CMTM5: variants seen among roughly 807,000 people sequenced by gnomAD.
The protein encoded by CMTM5 is CKLF like MARVEL transmembrane domain containing 5, also known as CKLF-like MARVEL transmembrane domain-containing protein 5.
CMTM5 carries 25 observed loss-of-function variants against 26.9 expected under a neutral mutation model. The observed-to-expected ratio is 0.93, with a 90% confidence interval of 0.68 to 1.30. The LOEUF (loss-of-function observed/expected upper bound fraction) is 1.30, where lower values mean the gene tolerates loss of function less well. CMTM5 is among the 50% of genes most tolerant of loss of function. The probability of loss-of-function intolerance (pLI) is 0.00; values close to 1 mark genes in which losing one functional copy is unlikely to be tolerated. For missense variants in CMTM5, 292 were observed against 289.6 expected (o/e 1.01, Z -0.06); for synonymous variants, 98 against 115.5 (o/e 0.85, Z 0.97).
At position 23,379,107 on chromosome 14, in the gene CMTM5, C is replaced by G. The variant is rs956821117; in HGVS notation, c.557C>G (p.Ala186Gly). ...GCAGCTGTGACCTCCCGGGACGGAG[C>G]TGCCATTGCTGCTTTTGTGAGTTCA... ...SFAAVTSRDG[A>G]AIAAFVFGII... Residue 186 changes from alanine to glycine, a missense_variant, in exon 4 of 6, where the codon GCT becomes GGT. By Grantham distance (60) the Ala-to-Gly change is moderately conservative. Coordinates refer to ENST00000339180, the MANE Select transcript of CMTM5 (RefSeq NM_001288746.2). 6 of 1,613,766 alleles carry G rather than the reference C, an allele frequency of 3.7e-6. No individual in the cohort carries two copies. Among genetic ancestry groups the G allele is most frequent in the Non-Finnish European group, 5.1e-6 (6 of 1,179,858 alleles).
upstream of CMTM5, chr14:23,376,929 C>T (rs1228707859): frequency 1.2e-5 from 4 of 335,052 alleles, no homozygotes; most frequent in African/African-American, 4.3e-5. Context: ...CTCCTCTCCC[C>T]TTCCTTCTCT....
Position 23,379,328 on chromosome 14 carries a change from T to TGCCTATGA in CMTM5, c.604_611dup (p.Asp204GlufsTer67), listed in dbSNP as rs771071632. Reference sequence around the variant, plus strand: ...TTGGCATCATCCTGGTTTCCATCTTTGCCTATGATGCCTTCAAGATCTACC... The same window carrying TGCCTATGA: ...TTGGCATCATCCTGGTTTCCATCTTTGCCTATGAGCCTATGATGCCTTCAAGATCTACC... On this transcript the variant is annotated frameshift_variant, in exon 5 of 6. Coordinates refer to ENST00000339180, the MANE Select transcript of CMTM5 (RefSeq NM_001288746.2). LOFTEE classifies it high-confidence loss of function. 13 of 1,614,052 alleles carry TGCCTATGA rather than the reference T, an allele frequency of 8.1e-6. No homozygotes were observed. In the African/African-American group the frequency reaches 1.7e-4, roughly 22 times the overall value.
chr14:23,377,223 A>AG lies in CMTM5; in HGVS notation c.-24dup. ...TTTCTCTTGCTGGGCTTTTGGCAGT[A>AG]GGGGGCTGTGTTGGTGGGCCCTACG... is the stretch of plus-strand genomic sequence containing the variant. On this transcript the variant is annotated 5_prime_UTR_variant, in exon 1 of 6. Transcript: ENST00000339180. This position sits in a 1 kb window ranked among gnomAD's most constrained non-coding sequence, Gnocchi z 4.6. 1 of 1,607,728 alleles carries AG rather than the reference A, an allele frequency of 6.2e-7. No homozygotes were observed.
upstream of CMTM5, chr14:23,376,951 G>T: frequency 2.6e-6 from 1 of 390,668 alleles, no homozygotes; most frequent in Non-Finnish European, 4.6e-6. Flanking sequence ...TTCCAGGCTG[G>T]GTTGGGCTCT....
chr14:23,379,041 G>C lies in CMTM5; in HGVS notation c.491G>C (p.Arg164Pro). 1 of 1,614,082 alleles carries C rather than the reference G, an allele frequency of 6.2e-7. No individual in the cohort carries two copies. The highest frequency in any genetic ancestry group is 8.5e-7 in the Non-Finnish European group (1 of 1,180,006). Residue 164 changes from arginine (R) to proline (P), a missense_variant, in exon 4 of 6, where the codon CGC becomes CCC. Coordinates refer to ENST00000339180, the MANE Select transcript of CMTM5 (RefSeq NM_001288746.2). ...ACCCCTGGCCCCCAGGACTTCCTGC[G>C]CTGTGTCAGTGCCATCATCATCTTC... ...FHSLGSSDFL[R>P]CVSAIIIFLV...
At position 23,378,571 on chromosome 14, in the gene CMTM5, CT is replaced by C. The variant is rs1343107987; in HGVS notation, c.279+71del. The C allele has an allele frequency of 6.2e-7, 1 of 1,608,328 alleles. No individual in the cohort carries two copies. The highest frequency in any genetic ancestry group is 1.3e-5 in the African/African-American group (1 of 74,724). On this transcript the variant is annotated intron_variant, in intron 2 of 5. Coordinates refer to ENST00000339180, the MANE Select transcript of CMTM5 (RefSeq NM_001288746.2). The surrounding 1 kb of genome is among the most constrained non-coding windows in gnomAD (Gnocchi z 4.2). The stretch of plus-strand genomic sequence containing the variant: ...CCTCTAAATGATGCATTTTCCTTTC[CT>C]CCCCGAGCTTCTTTCCATTTCCACA...
chr14:23,379,025 C>T lies in CMTM5; in HGVS notation c.481-6C>T. ...GTCCTGTTAACCCTGCACCCCTGGC[C>T]CCCAGGACTTCCTGCGCTGTGTCAG... On this transcript the variant is annotated splice_polypyrimidine_tract_variant and splice_region_variant and intron_variant, in intron 3 of 5. Transcript: ENST00000339180. The T allele has an allele frequency of 6.2e-7, 1 of 1,614,048 alleles. No individual in the cohort carries two copies. Among genetic ancestry groups the T allele is most frequent in the East Asian group, 2.2e-5 (1 of 44,886 alleles).
Position 23,378,504 on chromosome 14 carries a change from G to A in CMTM5, c.279+3G>A, listed in dbSNP as rs1401165639. 1 of 1,614,116 alleles carries A rather than the reference G, an allele frequency of 6.2e-7. No homozygotes were observed. The highest frequency in any genetic ancestry group is 8.5e-7 in the Non-Finnish European group (1 of 1,180,008). On this transcript the variant is annotated splice_donor_region_variant and intron_variant, in intron 2 of 5. Coordinates refer to ENST00000339180, the MANE Select transcript of CMTM5 (RefSeq NM_001288746.2). The surrounding 1 kb of genome is among the most constrained non-coding windows in gnomAD (Gnocchi z 4.2). ...ACCGAATTAACTGGCCCTGTCTGGT[G>A]AGGAACCCTGACCCCTAGCCCAGTT... is the stretch of plus-strand genomic sequence containing the variant.
At position 23,379,668 on chromosome 14, in the gene CMTM5, C is replaced by G. The variant is rs866139549; in HGVS notation, c.*181C>G. 19 of 1,380,060 alleles carry G rather than the reference C, an allele frequency of 1.4e-5. 1 individual carries two copies. Among genetic ancestry groups the G allele is most frequent in the Middle Eastern group, 2.8e-4 (1 of 3,634 alleles). 85.5% of individuals were successfully genotyped at this position (1,380,060 alleles called of 1,614,324 possible). ...AGCCTGGTGCTCCAGGATGTGGCTT[C>G]TCATGAAGCTCTGGCCAGAGGAGGG... On this transcript the variant is annotated 3_prime_UTR_variant, in exon 6 of 6. Coordinates refer to ENST00000339180, the MANE Select transcript of CMTM5 (RefSeq NM_001288746.2).
rs770567891 is a variant in CMTM5 at position 23,379,375 on chromosome 14, C to A, written c.650C>A (p.Ala217Asp). The change falls in exon 5 of 6, where the codon GCC becomes GAC. Residue 217 changes from alanine to aspartate, a missense_variant. Physicochemically the swap from Ala to Asp is moderately radical, Grantham distance 126. Transcript: ENST00000339180. ...TACCGGACTGAGATGGCACCCGGGGCCAGCCAGGGTGAGTGCCTGTGCTCT... is the reference window on the plus strand; with the variant it reads ...TACCGGACTGAGATGGCACCCGGGGACAGCCAGGGTGAGTGCCTGTGCTCT... ...KIYRTEMAPG[A>D]SQGDQQ 1 of 1,614,164 alleles carries A rather than the reference C, an allele frequency of 6.2e-7. No individual in the cohort carries two copies. Among genetic ancestry groups the A allele is most frequent in the South Asian group, 1.1e-5 (1 of 91,076 alleles).
rs1890784282 is a variant in CMTM5 at position 23,379,670 on chromosome 14, C to T, written c.*183C>T. Reference sequence around the variant, plus strand: ...CCTGGTGCTCCAGGATGTGGCTTCTCATGAAGCTCTGGCCAGAGGAGGGGA... The same window carrying T: ...CCTGGTGCTCCAGGATGTGGCTTCTTATGAAGCTCTGGCCAGAGGAGGGGA... On this transcript the variant is annotated 3_prime_UTR_variant, in exon 6 of 6. Coordinates refer to ENST00000339180, the MANE Select transcript of CMTM5 (RefSeq NM_001288746.2). 6.5e-6 allele frequency: 8 copies of T among 1,232,892 alleles called. No individual in the cohort carries two copies. The highest frequency in any genetic ancestry group is 2.9e-5 in the South Asian group (2 of 68,784). The allele number at this position is 1,232,892 out of a possible 1,614,324, so 76.4% of individuals were successfully genotyped here. A position where few individuals can be genotyped will look rare whatever the true frequency, so the allele number is the denominator to read the frequency against.
Position 23,377,572 on chromosome 14 carries a change from C to A in CMTM5, c.126+195C>A, listed in dbSNP as rs974353927. The A allele has an allele frequency of 5.5e-5, 31 of 562,794 alleles. No homozygotes were observed. The highest frequency in any genetic ancestry group is 4.0e-4 in the South Asian group (12 of 29,924). 34.9% of individuals were successfully genotyped at this position (562,794 alleles called of 1,614,324 possible). ...CCTCTCCACCCGGAGACATTTACAG[C>A]AGGTTTCAGTTGCAGCAGGAAGGAC... On this transcript the variant is annotated intron_variant, in intron 1 of 5. Coordinates refer to ENST00000339180, the MANE Select transcript of CMTM5 (RefSeq NM_001288746.2). This position sits in a 1 kb window ranked among gnomAD's most constrained non-coding sequence, Gnocchi z 4.6.
intron 4 of CMTM5, 71 bp downstream of exon 4, chr14:23,379,194 A>G: frequency 1.3e-6 from 2 of 1,599,132 alleles, no homozygotes; most frequent in East Asian, 2.2e-5. Context: ...TTTCTGTATC[A>G]GAAGCCACAG....
chr14:23,379,406 G>A, intron 5 of CMTM5, 23 bp downstream of exon 5: 1 of 1,614,160 alleles, frequency 6.2e-7, no homozygotes, highest in Non-Finnish European at 8.5e-7. Context: ...GCTCTGTGGA[G>A]AGGAGATGCC....
In CMTM5 at chr14:23,378,234, C is replaced by T. The variant is rs1890667058; in HGVS notation, c.127-115C>T. The T allele has an allele frequency of 6.1e-6, 7 of 1,145,292 alleles. No homozygotes were observed. Among genetic ancestry groups the T allele is most frequent in the Admixed American group, 2.3e-5 (1 of 43,038 alleles). The allele number at this position is 1,145,292 out of a possible 1,614,324, so 70.9% of individuals were successfully genotyped here. ...GAGATGTGCCAGAGTCCTTCCTCCC[C>T]TCCAAGGACAGGTAGTAGGTGCCAG... is the stretch of plus-strand genomic sequence containing the variant. On this transcript the variant is annotated intron_variant, in intron 1 of 5. Coordinates refer to ENST00000339180, the MANE Select transcript of CMTM5 (RefSeq NM_001288746.2). This position sits in a 1 kb window ranked among gnomAD's most constrained non-coding sequence, Gnocchi z 4.2.
rs1890699137 is a variant in CMTM5, at chr14:23,378,692, A to G, written c.303A>G (p.Gly101=). 1 of 1,612,924 alleles carries G rather than the reference A, an allele frequency of 6.2e-7. No individual in the cohort carries two copies. The highest frequency in any genetic ancestry group is 8.5e-7 in the Non-Finnish European group (1 of 1,179,836). ...PCLLQGHGQS[G]GPHPLDLLSH... ...AGCTGCAGGGCCACGGGCAATCAGGAGGACCACATCCGCTAGATCTACTCT... is the reference window on the plus strand; with the variant it reads ...AGCTGCAGGGCCACGGGCAATCAGGGGGACCACATCCGCTAGATCTACTCT... The change falls in exon 3 of 6, where the codon GGA becomes GGG. Residue 101 remains glycine, a synonymous_variant. Transcript: ENST00000339180. The surrounding 1 kb of genome is among the most constrained non-coding windows in gnomAD (Gnocchi z 4.2).
chr14:23,378,186 G>A lies in CMTM5; in HGVS notation c.127-163G>A. 4.1e-6 allele frequency: 3 copies of A among 731,628 alleles called. No homozygotes were observed. The highest frequency in any genetic ancestry group is 4.4e-6 in the Non-Finnish European group (2 of 455,534). 45.3% of individuals were successfully genotyped at this position (731,628 alleles called of 1,614,324 possible). On this transcript the variant is annotated intron_variant, in intron 1 of 5. Coordinates refer to ENST00000339180, the MANE Select transcript of CMTM5 (RefSeq NM_001288746.2). This position sits in a 1 kb window ranked among gnomAD's most constrained non-coding sequence, Gnocchi z 4.2. ...TGACCGGCAAATGCCCTGCAACGGT[G>A]GCTCCTGACACCAGGGGATAGGGAG...
At chr14:23,379,226 T>C in intron 4 of CMTM5, 73 bp from the exon 5 acceptor site, 1 of 1,603,240 alleles carries the variant, frequency 6.2e-7, no homozygotes, top group Non-Finnish European at 8.5e-7. Context: ...GGTTCTGGCT[T>C]GCACCTCACC....
chr14:23,378,760 C>G lies in CMTM5; in HGVS notation c.371C>G (p.Thr124Ser), dbSNP rs766217019. The change falls in exon 3 of 6, where the codon ACC becomes AGC. Residue 124 changes from threonine to serine, a missense_variant. Thr to Ser is a moderately conservative substitution (Grantham distance 58). Transcript: ENST00000339180. The surrounding 1 kb of genome is among the most constrained non-coding windows in gnomAD (Gnocchi z 4.2). Reference sequence around the variant, plus strand: ...CAGCCCCAGCCCTGGCCTGGCTTGACCCCCCCGGGCTGGCATACTCCAGCC... The same window carrying G: ...CAGCCCCAGCCCTGGCCTGGCTTGAGCCCCCCGGGCTGGCATACTCCAGCC... Reference protein sequence around the residue: ...KVQPQPWPGLTPPGWHTPAAV... With the variant: ...KVQPQPWPGLSPPGWHTPAAV... 2 of 1,611,466 alleles carry G rather than the reference C, an allele frequency of 1.2e-6. 1 individual carries two copies. Among genetic ancestry groups the G allele is most frequent in the Admixed American group, 3.3e-5 (2 of 59,952 alleles).
Sources: gnomAD v4.1 joint callset for allele counts on GRCh38, gnomAD v4.1.1 for gene constraint, Gnocchi (gnomAD v3.1) non-coding constraint, MANE v1.5 for transcripts, NCBI Gene and HGNC (gene_info 2026-07-23, HGNC 2026-07-21) for gene names.